Variants in WAPL observed in about 807,000 individuals in gnomAD.
The protein encoded by WAPL is wings apart-like protein homolog.
In WAPL, 5 loss-of-function variants were observed where a neutral mutation model predicts 121.0. That is an observed-to-expected ratio of 0.04 (90% confidence interval 0.02 to 0.09). WAPL has a LOEUF of 0.09. Among genes scored for constraint, WAPL ranks in the 10% least tolerant of loss-of-function variants. WAPL has a pLI of 1.00. For synonymous variants in WAPL, 480 were observed against 481.5 expected (o/e 1.00, Z 0.04); for missense variants, 999 against 1,410.8 (o/e 0.71, Z 4.68).
At chr10:86,506,820 ATTCT>A (rs1441976377) in intron 2 of WAPL, among the ~76,000 whole-genome samples, 1 of 151,976 alleles carries the variant, frequency 6.6e-6, no homozygotes, top group Non-Finnish European at 1.5e-5. Context: ...CCTGGGGTTC[ATTCT>A]TTCTACCACT....
intron 2 of WAPL, among the ~76,000 whole-genome samples, chr10:86,503,608 C>T (rs1842288222): frequency 6.6e-6 from 1 of 151,952 alleles, no homozygotes; most frequent in African/African-American, 2.4e-5. Context: ...AAAAAATGAG[C>T]CAGGCGTGGT....
intron 17 of WAPL, among the ~76,000 whole-genome samples, chr10:86,439,684 G>A (rs1476080417): frequency 1.3e-5 from 2 of 152,244 alleles, no homozygotes; most frequent in Non-Finnish European, 2.9e-5. Flanking sequence ...AAACAGTCAT[G>A]AGTCCCCTTC....
In WAPL at chr10:86,444,279, A is replaced by G. The variant is rs542914009; in HGVS notation, c.3323-916T>C. 2.0e-5 allele frequency among the ~76,000 whole-genome samples: 3 copies of G among 152,350 alleles called. No homozygotes were observed. In the East Asian group the frequency reaches 5.8e-4, roughly 29 times the overall value. ...AAATAGTGCAGCCACACTGGAAAAC[A>G]ATTTGGCATTTTCTTAGAATGTTAA... On this transcript the variant is annotated intron_variant, in intron 16 of 18. Coordinates refer to ENST00000298767, the MANE Select transcript of WAPL (RefSeq NM_015045.5).
At chr10:86,469,952 C>T (rs1047399481) in intron 8 of WAPL, among the ~76,000 whole-genome samples, 1 of 152,104 alleles carries the variant, frequency 6.6e-6, no homozygotes, top group Admixed American at 6.5e-5. Flanking sequence ...GATCTGAACT[C>T]CTGAGCTCAA....
At chr10:86,520,572 T>A (rs897008409) in intron 1 of WAPL, among the ~76,000 whole-genome samples, 1 of 152,024 alleles carries the variant, frequency 6.6e-6, no homozygotes, top group Non-Finnish European at 1.5e-5. Flanking sequence ...CACTACAGAT[T>A]CCAAAATAAG....
intron 2 of WAPL, among the ~76,000 whole-genome samples, chr10:86,507,572 CCT>C (rs1383674310): frequency 1.3e-5 from 2 of 152,026 alleles, no homozygotes; most frequent in South Asian, 2.1e-4. Flanking sequence ...AAATTCCAAC[CCT>C]CTGATTTCCC....
intron 4 of WAPL, among the ~76,000 whole-genome samples, chr10:86,482,613 G>A (rs1197066607): frequency 1.3e-5 from 2 of 152,148 alleles, no homozygotes; most frequent in Non-Finnish European, 2.9e-5. Flanking sequence ...GTTACACCAG[G>A]AAGAAAGAAG....
intron 4 of WAPL, among the ~76,000 whole-genome samples, chr10:86,478,056 G>A (rs550355734): frequency 7.6e-4 from 112 of 146,562 alleles, no homozygotes; most frequent in Non-Finnish European, 1.4e-3. Context: ...ACTCTGTCTC[G>A]GAAAAAAAAA....
rs573804614 is a variant in WAPL, at chr10:86,500,104, C to T, written c.1139G>A (p.Ser380Asn). The change falls in exon 3 of 19, where the codon AGC (serine) becomes AAC (asparagine). Residue 380 changes from serine (S) to asparagine (N), a missense_variant. By Grantham distance (46) the Ser-to-Asn change is conservative. Coordinates refer to ENST00000298767, the MANE Select transcript of WAPL (RefSeq NM_015045.5). ...AGTGGATGCAGTGAACTCATCCATG[C>T]TGCGTTCCATAGTATCCTGTATGGT... The part of the protein sequence containing the change: ...NVTIQDTMER[S>N]MDEFTASTPA... 1 of 1,614,176 alleles carries T rather than the reference C, an allele frequency of 6.2e-7. No individual in the cohort carries two copies. The highest frequency in any genetic ancestry group is 1.1e-5 in the South Asian group (1 of 91,086).
chr10:86,446,410 T>C lies in WAPL; in HGVS notation c.3154A>G (p.Ser1052Gly), dbSNP rs1206934072. 1 of 1,614,204 alleles carries C rather than the reference T, an allele frequency of 6.2e-7. No individual in the cohort carries two copies. The highest frequency in any genetic ancestry group is 1.1e-5 in the South Asian group (1 of 91,084). ...ERERAAQLAE[S>G]KTDELIKDAP... is the part of the protein sequence containing the mutation. ...TCTTTGATCAACTCATCTGTTTTACTTTCTGCTAGCTGGGCTGCCCGCTCT... is the reference window on the plus strand; with the variant it reads ...TCTTTGATCAACTCATCTGTTTTACCTTCTGCTAGCTGGGCTGCCCGCTCT... The change falls in exon 16 of 19, where the codon AGT (serine) becomes GGT (glycine). Residue 1052 changes from serine to glycine, a missense_variant. Coordinates refer to ENST00000298767, the MANE Select transcript of WAPL (RefSeq NM_015045.5).
chr10:86,473,317 T>A (rs1841576521), intron 5 of WAPL, among the ~76,000 whole-genome samples: 1 of 152,228 alleles, frequency 6.6e-6, no homozygotes, highest in African/African-American at 2.4e-5. Flanking sequence ...AAATTTCTTA[T>A]TGTTATAAAG....
intron 12 of WAPL, among the ~76,000 whole-genome samples, chr10:86,456,830 T>A (rs965811569): frequency 6.6e-6 from 1 of 152,228 alleles, no homozygotes; most frequent in African/African-American, 2.4e-5. Context: ...GTTCAGCATA[T>A]GTTATTTAAT....
intron 9 of WAPL, 132 bp from the exon 10 acceptor site, chr10:86,461,419 T>G (rs1023124988): frequency 7.6e-6 from 5 of 659,014 alleles, no homozygotes; most frequent in Non-Finnish European, 5.1e-6. Flanking sequence ...TGAACTAATT[T>G]TCAATTTTAT....
rs956240314 is a variant in WAPL, at chr10:86,461,085, C to T, written c.2482+91G>A. On this transcript the variant is annotated intron_variant, in intron 10 of 18. Transcript: ENST00000298767. ...AATAATGATAATAGACATTTCCAAA[C>T]TGATACAATTATTTTTTGAAGTACG... 5.0e-6 allele frequency: 5 copies of T among 1,004,548 alleles called. No individual in the cohort carries two copies. The African/African-American group carries it at 8.3e-5, about 17-fold the overall frequency. 62.2% of individuals were successfully genotyped at this position (1,004,548 alleles called of 1,614,324 possible). A position where few individuals can be genotyped will look rare whatever the true frequency, so the allele number is the denominator to read the frequency against.
At chr10:86,518,139 T>TA (rs759231763) in intron 1 of WAPL, 48 bp from the exon 2 acceptor site, 2 of 1,522,992 alleles carry the variant, frequency 1.3e-6, no homozygotes, top group African/African-American at 2.8e-5. Flanking sequence ...ATACAAGTGT[T>TA]AAACAGTGCA....
intron 4 of WAPL, among the ~76,000 whole-genome samples, chr10:86,475,130 C>G (rs1340504853): frequency 2.0e-5 from 3 of 152,198 alleles, no homozygotes; most frequent in Admixed American, 2.0e-4. Flanking sequence ...AGTTTTAACA[C>G]TGAATTTCCG....
chr10:86,482,895 C>A (rs1841825340), intron 4 of WAPL, among the ~76,000 whole-genome samples: 1 of 152,114 alleles, frequency 6.6e-6, no homozygotes, highest in Non-Finnish European at 1.5e-5. Flanking sequence ...TTCTGGAGAT[C>A]TGACTTATAG....
At chr10:86,512,886 A>G (rs1283947311) in intron 2 of WAPL, among the ~76,000 whole-genome samples, 3 of 152,162 alleles carry the variant, frequency 2.0e-5, no homozygotes, top group Non-Finnish European at 4.4e-5. Context: ...TGTGCCTGAA[A>G]AGTTTCATAA....
chr10:86,452,079 C>A lies in WAPL; in HGVS notation c.3002G>T (p.Cys1001Phe), dbSNP rs1388039691. 1.9e-6 allele frequency: 3 copies of A among 1,614,052 alleles called. No individual in the cohort carries two copies. In the Admixed American group the frequency reaches 5.0e-5, roughly 27 times the overall value. ...LVEYSARNRH[C>F]LVNMETSCSF... ...GCACGATGTTTCCATGTTGACAAGA[C>A]AGTGCCGATTCCGAGCACTATACTC... is the stretch of plus-strand genomic sequence containing the variant. The change falls in exon 15 of 19, where the codon TGT becomes TTT. Residue 1001 changes from cysteine to phenylalanine, a missense_variant. Physicochemically the swap from Cys to Phe is radical, Grantham distance 205. Coordinates refer to ENST00000298767, the MANE Select transcript of WAPL (RefSeq NM_015045.5).
Sources: allele counts gnomAD v4.1 joint callset (sites outside exome capture counted in the v4.1 genomes callset), GRCh38; gene constraint gnomAD v4.1.1; transcripts MANE v1.5; gene names NCBI Gene and HGNC (gene_info 2026-07-23, HGNC 2026-07-21).